PKIB: variants seen among roughly 807,000 people sequenced by gnomAD.
PKIB encodes PKI-beta.
Under a neutral mutation model 4.5 loss-of-function variants are expected in PKIB, and 2 were observed. The observed-to-expected ratio is 0.44, with a 90% CI of 0.18 to 1.39. PKIB has a LOEUF of 1.39. Among genes scored for constraint, PKIB ranks in the 40% most tolerant of loss-of-function variants. The pLI is 0.27. For synonymous variants in PKIB, 38 were observed against 36.0 expected (o/e 1.06, Z -0.20); for missense variants, 94 against 92.6 (o/e 1.02, Z -0.06).
intron 2 of PKIB, among the ~76,000 whole-genome samples, chr6:122,490,662 T>C (rs969014229): frequency 6.6e-6 from 1 of 152,128 alleles, no homozygotes; most frequent in African/African-American, 2.4e-5. Context: ...CCACCATGAG[T>C]GTAAGCTTCC....
chr6:122,626,962 C>T (rs1283692860), intron 1 of PKIB, among the ~76,000 whole-genome samples: 2 of 150,996 alleles, frequency 1.3e-5, no homozygotes, highest in Non-Finnish European at 2.9e-5. Flanking sequence ...CGGCCGGGCG[C>T]GGTGGCTCAC....
Position 122,690,334 on chromosome 6 carries a change from C to T in PKIB, c.-9+15190C>T, listed in dbSNP as rs76513284. ...TTTTGTGGTCTTTTCTCCTTTCCTG[C>T]GTTCCTTTTAGTGAAGATGATTTTC... On this transcript the variant is annotated intron_variant, in intron 3 of 4. Transcript: ENST00000368452. 4.9e-3 allele frequency among the ~76,000 whole-genome samples: 740 copies of T among 151,856 alleles called. 24 individuals are homozygous for T. The East Asian group carries it at 0.097, about 20-fold the overall frequency.
upstream of PKIB, among the ~76,000 whole-genome samples, chr6:122,607,332 A>G (rs1215654455): frequency 6.6e-6 from 1 of 151,816 alleles, no homozygotes; most frequent in Non-Finnish European, 1.5e-5. Flanking sequence ...ACAAAACAAA[A>G]CAAAACAAAA....
intron 2 of PKIB, among the ~76,000 whole-genome samples, chr6:122,652,073 A>G (rs1341102352): frequency 6.6e-6 from 1 of 152,204 alleles, no homozygotes; most frequent in African/African-American, 2.4e-5. Context: ...ATTAGAGAAC[A>G]TATTCCAAGA....
chr6:122,706,139 A>G (rs1044743503), intron 3 of PKIB, among the ~76,000 whole-genome samples: 2 of 151,704 alleles, frequency 1.3e-5, no homozygotes, highest in Admixed American at 1.3e-4. Flanking sequence ...TTCCCTTTCT[A>G]CCTGTGTGGA....
At chr6:122,692,660 G>T (rs887840782) in intron 3 of PKIB, among the ~76,000 whole-genome samples, 1 of 152,262 alleles carries the variant, frequency 6.6e-6, no homozygotes, top group Non-Finnish European at 1.5e-5. Context: ...GCCTCACAAG[G>T]CTGGTTGGTG....
chr6:122,714,596 T>C (rs1779403638), intron 3 of PKIB, among the ~76,000 whole-genome samples: 1 of 152,150 alleles, frequency 6.6e-6, no homozygotes, highest in South Asian at 2.1e-4. Flanking sequence ...ACCCAGAATT[T>C]CTTTTTCCAT....
At chr6:122,538,212 G>A (rs906990059) in intron 2 of PKIB, among the ~76,000 whole-genome samples, 6 of 152,070 alleles carry the variant, frequency 3.9e-5, no homozygotes, top group Non-Finnish European at 8.8e-5. Flanking sequence ...TTTGGCTTTT[G>A]TTGCCATTGC....
At chr6:122,574,262 A>G (rs1372908458) in intron 2 of PKIB, among the ~76,000 whole-genome samples, 2 of 152,230 alleles carry the variant, frequency 1.3e-5, no homozygotes, top group Admixed American at 6.5e-5. Context: ...GAAATCATAG[A>G]TGACACAAAC....
At chr6:122,513,731 T>G (rs944127755) in intron 2 of PKIB, among the ~76,000 whole-genome samples, 16 of 152,210 alleles carry the variant, frequency 1.1e-4, no homozygotes, top group South Asian at 2.1e-4. Context: ...CGTGCAATAT[T>G]TGGTTTTCTG....
intron 2 of PKIB, among the ~76,000 whole-genome samples, chr6:122,646,772 TG>T (rs1408635428): frequency 6.6e-6 from 1 of 152,222 alleles, no homozygotes; most frequent in African/African-American, 2.4e-5. Context: ...TCTGTGACTT[TG>T]GGGCAAGTAG....
intron 2 of PKIB, among the ~76,000 whole-genome samples, chr6:122,507,569 G>C (rs1300091204): frequency 4.0e-5 from 6 of 151,648 alleles, no homozygotes; most frequent in Admixed American, 3.9e-4. Flanking sequence ...AAGCTGGTGG[G>C]CTCATTTGAT....
At chr6:122,500,102 T>G (rs1776185659) in intron 2 of PKIB, among the ~76,000 whole-genome samples, 1 of 152,226 alleles carries the variant, frequency 6.6e-6, no homozygotes, top group Non-Finnish European at 1.5e-5. Context: ...AGAATCATAT[T>G]ATTAAAATGG....
chr6:122,666,067 G>C (rs1777210478), intron 2 of PKIB, among the ~76,000 whole-genome samples: 1 of 152,142 alleles, frequency 6.6e-6, no homozygotes, highest in African/African-American at 2.4e-5. Context: ...GTTTCCCCAA[G>C]TCATATAGCT....
chr6:122,576,634 A>T (rs1773538116), intron 2 of PKIB, among the ~76,000 whole-genome samples: 1 of 126,098 alleles, frequency 7.9e-6, no homozygotes, highest in African/African-American at 3.0e-5. Flanking sequence ...GCGCCACTAC[A>T]CTCCAGCCTG....
intron 1 of PKIB, among the ~76,000 whole-genome samples, chr6:122,619,147 C>A (rs985629643): frequency 7.0e-6 from 1 of 141,892 alleles, no homozygotes; most frequent in African/African-American, 2.5e-5. Flanking sequence ...GTCTATTTTA[C>A]AAATTTTAAA....
intron 3 of PKIB, among the ~76,000 whole-genome samples, chr6:122,681,906 C>T (rs1372370434): frequency 1.3e-5 from 2 of 152,180 alleles, no homozygotes; most frequent in African/African-American, 4.8e-5. Flanking sequence ...TGTCAGCCTA[C>T]AGCCCTCAAG....
chr6:122,609,111 G>A (rs1774644560), upstream of PKIB, among the ~76,000 whole-genome samples: 1 of 152,044 alleles, frequency 6.6e-6, no homozygotes, highest in African/African-American at 2.4e-5. Flanking sequence ...TTATTAGGCG[G>A]GTGCAGAAGC....
At chr6:122,488,344 A>G (rs912395500) in intron 2 of PKIB, among the ~76,000 whole-genome samples, 2 of 152,078 alleles carry the variant, frequency 1.3e-5, no homozygotes, top group African/African-American at 2.4e-5. Flanking sequence ...TCTATTTGCT[A>G]CGTATTTGGC....
Sources: allele counts gnomAD v4.1 joint callset (sites outside exome capture counted in the v4.1 genomes callset), GRCh38; gene constraint gnomAD v4.1.1; transcripts MANE v1.5; gene names NCBI Gene and HGNC (gene_info 2026-07-23, HGNC 2026-07-21).